The following CLIP2 variants were observed in gnomAD, a reference collection of about 807,000 sequenced individuals.
The protein encoded by CLIP2 is CAP-Gly domain containing linker protein 2.
A neutral mutation model predicts 111.7 loss-of-function variants in CLIP2; 41 were observed. The ratio of observed to expected loss-of-function variants is 0.37; its 90% CI spans 0.29 to 0.48. The LOEUF (loss-of-function observed/expected upper bound fraction) is 0.48. Among genes scored for constraint, CLIP2 ranks in the 20% least tolerant of loss-of-function variants. The pLI is 0.99. For synonymous variants in CLIP2, 660 were observed against 644.2 expected (o/e 1.02, Z -0.37); for missense variants, 1,160 against 1,422.1 (o/e 0.82, Z 2.96).
intron 11 of CLIP2, among the ~76,000 whole-genome samples, chr7:74,385,961 C>T (rs1358118205): frequency 3.3e-5 from 5 of 151,536 alleles, no homozygotes; most frequent in Non-Finnish European, 7.4e-5. Context: ...AGGCTGGTCT[C>T]GAACTCCCGA....
rs910927921 is a variant in CLIP2 at position 74,391,781 on chromosome 7, C to G, written c.2720+2522C>G. Among the ~76,000 whole-genome samples, 166 of 151,946 alleles carry G rather than the reference C, an allele frequency of 1.1e-3. 1 individual carries two copies. The highest frequency in any genetic ancestry group is 3.9e-3 in the African/African-American group (163 of 41,424). On this transcript the variant is annotated intron_variant, in intron 13 of 16. Transcript: ENST00000223398. Reference sequence around the variant, plus strand: ...GTTGCAGTGAGTCGAGATTGTGCCACTGCACTCCAGCCTGGGCAATAGAGT... The same window carrying G: ...GTTGCAGTGAGTCGAGATTGTGCCAGTGCACTCCAGCCTGGGCAATAGAGT...
chr7:74,360,457 G>A (rs535464429), intron 7 of CLIP2, among the ~76,000 whole-genome samples, 179 bp downstream of exon 7: 1 of 152,306 alleles, frequency 6.6e-6, no homozygotes, highest in African/African-American at 2.4e-5. Context: ...TGTAAAGTGA[G>A]GTGTTGGTCC....
At chr7:74,356,928 G>C (rs782742317) in intron 5 of CLIP2, among the ~76,000 whole-genome samples, 1 of 152,144 alleles carries the variant, frequency 6.6e-6, no homozygotes, top group African/African-American at 2.4e-5. Flanking sequence ...AAAAGAGGAG[G>C]CTGCTTGGTG....
intron 1 of CLIP2, among the ~76,000 whole-genome samples, chr7:74,307,736 C>T (rs1161200718): frequency 6.6e-6 from 1 of 152,154 alleles, no homozygotes; most frequent in Non-Finnish European, 1.5e-5. Flanking sequence ...TGTGATCTGC[C>T]CGCCTCAGCC....
At chr7:74,360,362 A>G in intron 7 of CLIP2, 84 bp downstream of exon 7, 1 of 1,013,920 alleles carries the variant, frequency 9.9e-7, no homozygotes, top group South Asian at 1.5e-5. Context: ...TAGCGGACCC[A>G]GGTTCCAGTC....
At chr7:74,351,718 C>G (rs1479550561) in intron 3 of CLIP2, among the ~76,000 whole-genome samples, 3 of 152,072 alleles carry the variant, frequency 2.0e-5, no homozygotes, top group African/African-American at 7.2e-5. Context: ...CGCCTATAAT[C>G]CCAGCTACTC....
chr7:74,333,760 G>A (rs1347415370), intron 2 of CLIP2, among the ~76,000 whole-genome samples: 1 of 152,206 alleles, frequency 6.6e-6, no homozygotes, highest in Non-Finnish European at 1.5e-5. Flanking sequence ...TGGGATTACA[G>A]GCATGAGCCA....
intron 1 of CLIP2, among the ~76,000 whole-genome samples, chr7:74,291,044 C>T (rs1252387735): frequency 1.3e-5 from 2 of 152,138 alleles, no homozygotes; most frequent in African/African-American, 4.8e-5. Flanking sequence ...TGAATAAGGG[C>T]TTGGAGTCAG....
chr7:74,291,505 C>T (rs1291204597), intron 1 of CLIP2, among the ~76,000 whole-genome samples: 1 of 152,228 alleles, frequency 6.6e-6, no homozygotes, highest in Non-Finnish European at 1.5e-5. Flanking sequence ...TTGCATCTCT[C>T]TCTGCCTCGA....
rs782695241 is a variant in CLIP2, at chr7:74,397,090, C to T, written c.2737C>T (p.Arg913Trp). The change falls in exon 14 of 17, where the codon CGG becomes TGG. Residue 913 changes from arginine to tryptophan, a missense_variant. Around this residue, in one of 5 missense-constraint regions of CLIP2, gnomAD observed 676 missense variants for 777.8 expected, o/e 0.87. Coordinates refer to ENST00000223398, the MANE Select transcript of CLIP2 (RefSeq NM_003388.5). ...CACCCCCAGGAGCCTGAACGAACTG[C>T]GGGTGTTGCTGCTGGAGGCCAATCG... The part of the protein sequence containing the change: ...LRKERSLNEL[R>W]VLLLEANRHS... 4.3e-6 allele frequency: 7 copies of T among 1,613,530 alleles called. No individual in the cohort carries two copies. Among genetic ancestry groups the T allele is most frequent in the South Asian group, 1.1e-5 (1 of 91,066 alleles).
chr7:74,370,155 C>CAAAAAAAA (rs536133070), intron 8 of CLIP2, among the ~76,000 whole-genome samples: 2 of 32,902 alleles, frequency 6.1e-5, no homozygotes, highest in Non-Finnish European at 1.2e-4. Context: ...GACTCTGCCT[C>CAAAAAAAA]AAAAAAAAAA....
In CLIP2 at chr7:74,376,046, C is replaced by G; in HGVS notation, c.1645C>G (p.Leu549Val). The G allele has an allele frequency of 6.2e-7, 1 of 1,612,828 alleles. No individual in the cohort carries two copies. Among genetic ancestry groups the G allele is most frequent in the Non-Finnish European group, 8.5e-7 (1 of 1,179,928 alleles). The part of the protein sequence containing the change: ...AAEILRLRER[L>V]LSASKEHQRE... ...CGAGATCCTGCGGCTACGGGAGCGGCTGCTCTCGGCCAGCAAGGAACACCA... is the reference window on the plus strand; with the variant it reads ...CGAGATCCTGCGGCTACGGGAGCGGGTGCTCTCGGCCAGCAAGGAACACCA... The change falls in exon 10 of 17, where the codon CTG (leucine) becomes GTG (valine). Residue 549 changes from leucine to valine, a missense_variant. Physicochemically the swap from Leu to Val is conservative, Grantham distance 32 (BLOSUM62 1). This residue lies in a region of CLIP2 where 676 missense variants were observed against 777.8 expected (regional missense o/e 0.87). Transcript: ENST00000223398. The surrounding 1 kb of genome is among the most constrained non-coding windows in gnomAD (Gnocchi z 7.1).
At chr7:74,342,830 G>A (rs1016600139) in intron 3 of CLIP2, among the ~76,000 whole-genome samples, 23 of 152,180 alleles carry the variant, frequency 1.5e-4, no homozygotes, top group African/African-American at 4.8e-4. Context: ...GGCGGATCAC[G>A]ACGTCAGGAG....
intron 11 of CLIP2, among the ~76,000 whole-genome samples, chr7:74,382,463 C>T (rs1554314096): frequency 6.6e-6 from 1 of 150,898 alleles, no homozygotes; most frequent in Non-Finnish European, 1.5e-5. Flanking sequence ...TGCCACCATG[C>T]CCTGCTAATT....
intron 2 of CLIP2, among the ~76,000 whole-genome samples, chr7:74,325,148 C>T (rs1789074927): frequency 6.6e-6 from 1 of 152,234 alleles, no homozygotes; most frequent in Non-Finnish European, 1.5e-5. Flanking sequence ...GGGACAGGGC[C>T]TGGACTGGTG....
At chr7:74,347,056 A>T (rs1554306458) in intron 3 of CLIP2, among the ~76,000 whole-genome samples, 1 of 151,886 alleles carries the variant, frequency 6.6e-6, no homozygotes, top group East Asian at 1.9e-4. Flanking sequence ...AAAACAAAAC[A>T]AAAAGAAAAA....
chr7:74,339,426 C>T (rs1789590894), intron 3 of CLIP2, among the ~76,000 whole-genome samples: 1 of 152,098 alleles, frequency 6.6e-6, no homozygotes, highest in Non-Finnish European at 1.5e-5. Context: ...CTGTCTCACC[C>T]TCCCTAGTAG....
intron 11 of CLIP2, among the ~76,000 whole-genome samples, chr7:74,381,910 C>T (rs577885788): frequency 6.6e-6 from 1 of 152,306 alleles, no homozygotes; most frequent in East Asian, 1.9e-4. Flanking sequence ...CCTTGACTTC[C>T]ATTGGGCTCA....
At chr7:74,299,507 C>A (rs1238444613) in intron 1 of CLIP2, among the ~76,000 whole-genome samples, 1 of 152,110 alleles carries the variant, frequency 6.6e-6, no homozygotes, top group Non-Finnish European at 1.5e-5. Flanking sequence ...CTGCTGGGTT[C>A]ATCTTTTCTC....
Sources: allele counts gnomAD v4.1 joint callset (sites outside exome capture counted in the v4.1 genomes callset), GRCh38; gene constraint gnomAD v4.1.1; regional missense constraint gnomAD v4.1.1; non-coding constraint Gnocchi (gnomAD v3.1); transcripts MANE v1.5; gene names NCBI Gene and HGNC (gene_info 2026-07-23, HGNC 2026-07-21).